The following RAB3B variants were observed in gnomAD, a reference collection of about 807,000 sequenced individuals.
The protein encoded by RAB3B is ras-related protein Rab-3B.
RAB3B carries 11 observed loss-of-function variants against 20.5 expected under a neutral mutation model. The ratio of observed to expected loss-of-function variants is 0.54; its 90% CI spans 0.34 to 0.89. The LOEUF (loss-of-function observed/expected upper bound fraction) is 0.89, where lower values mean the gene tolerates loss of function less well. Among genes scored for constraint, RAB3B ranks in the 40% least tolerant of loss-of-function variants. RAB3B has a pLI of 0.02. For missense variants in RAB3B, 225 were observed against 280.9 expected, an observed-to-expected ratio of 0.80 and a Z score of 1.42; for synonymous variants, 99 against 106.3, an observed-to-expected ratio of 0.93 and a Z score of 0.42.
rs1684144284 is a variant in RAB3B at position 51,919,787 on chromosome 1, A to G, written c.*140T>C. Reference sequence around the variant, plus strand: ...TGCAGAGAACCCCAGGGGCAGGCAAAGAATAGCAGCAACTCATCTTGCTCT... The same window carrying G: ...TGCAGAGAACCCCAGGGGCAGGCAAGGAATAGCAGCAACTCATCTTGCTCT... On this transcript the variant is annotated 3_prime_UTR_variant, in exon 5 of 5. Coordinates refer to ENST00000371655, the MANE Select transcript of RAB3B (RefSeq NM_002867.4). 5 of 859,600 alleles carry G rather than the reference A, an allele frequency of 5.8e-6. No individual in the cohort carries two copies. Among genetic ancestry groups the G allele is most frequent in the Middle Eastern group, 3.7e-4 (1 of 2,732 alleles). The allele number at this position is 859,600 out of a possible 1,614,324, so 53.2% of individuals were successfully genotyped here.
intron 1 of RAB3B, among the ~76,000 whole-genome samples, chr1:51,983,142 TC>T (rs1685108838): frequency 6.6e-6 from 1 of 152,064 alleles, no homozygotes; most frequent in Admixed American, 6.6e-5. Flanking sequence ...TCACTTGAGG[TC>T]AGGAGATAGA....
chr1:51,937,996 CTT>C (rs77664152), intron 2 of RAB3B, among the ~76,000 whole-genome samples: 34 of 88,728 alleles, frequency 3.8e-4, no homozygotes, highest in African/African-American at 1.0e-3. Context: ...ATTTTTGTTT[CTT>C]TTTTTTTTTT....
chr1:51,946,002 T>C (rs1684559815), intron 2 of RAB3B, among the ~76,000 whole-genome samples: 1 of 152,252 alleles, frequency 6.6e-6, no homozygotes. Context: ...TTTTTAAGTG[T>C]CTGGCTTATA....
At chr1:51,968,705 T>C (rs947750726) in intron 2 of RAB3B, among the ~76,000 whole-genome samples, 3 of 152,214 alleles carry the variant, frequency 2.0e-5, no homozygotes, top group African/African-American at 7.2e-5. Context: ...TAATACTCAC[T>C]AGCTTTAATA....
chr1:51,908,469 C>G lies in RAB3B; in HGVS notation c.*11458G>C, dbSNP rs1347966929. On this transcript the variant is annotated 3_prime_UTR_variant, in exon 5 of 5. Transcript: ENST00000371655. ...ATATGCAAATTGCATAAGGTGACAT[C>G]TCTCTGTGTGGCCACAGAGATAGAT... 6.6e-6 allele frequency: 1 copy of G among 152,042 alleles called. No homozygotes were observed. Among genetic ancestry groups the G allele is most frequent in the Non-Finnish European group, 1.5e-5 (1 of 68,022 alleles). The allele number at this position is 152,042 out of a possible 1,614,324, so 9.4% of individuals were successfully genotyped here. A position where few individuals can be genotyped will look rare whatever the true frequency, so the allele number is the denominator to read the frequency against.
chr1:51,930,710 T>C (rs972524826), intron 4 of RAB3B, among the ~76,000 whole-genome samples: 2 of 152,142 alleles, frequency 1.3e-5, no homozygotes, highest in African/African-American at 2.4e-5. Flanking sequence ...GTTTAACCAA[T>C]TCACCTTTAA....
chr1:51,983,184 T>C (rs1351823201), intron 1 of RAB3B, among the ~76,000 whole-genome samples: 1 of 151,962 alleles, frequency 6.6e-6, no homozygotes, highest in East Asian at 1.9e-4. Context: ...TGAAACTCCA[T>C]CCCTATTAAA....
intron 1 of RAB3B, among the ~76,000 whole-genome samples, chr1:51,979,848 C>T (rs145238135): frequency 0.059 from 8,938 of 151,022 alleles, 287 homozygotes; most frequent in African/African-American, 0.066. Context: ...TCGAGACCAT[C>T]CTGGCTAACA....
rs577362712 is a variant in RAB3B at position 51,919,612 on chromosome 1, C to T, written c.*315G>A. 7 of 245,692 alleles carry T rather than the reference C, an allele frequency of 2.8e-5. No individual in the cohort carries two copies. Among genetic ancestry groups the T allele is most frequent in the Non-Finnish European group, 4.7e-5 (6 of 128,446 alleles). The allele number at this position is 245,692 out of a possible 1,614,324, so 15.2% of individuals were successfully genotyped here. On this transcript the variant is annotated 3_prime_UTR_variant, in exon 5 of 5. Transcript: ENST00000371655. ...TCAAATTTTGGTAAATGGAGGAACT[C>T]TCATTTTAAAGGCAGAAAAGAGACT...
intron 2 of RAB3B, among the ~76,000 whole-genome samples, chr1:51,968,927 G>C (rs1248997216): frequency 2.6e-5 from 4 of 152,158 alleles, no homozygotes; most frequent in Non-Finnish European, 4.4e-5. Context: ...CCTCTTGTTT[G>C]TCCCATTGTT....
At chr1:51,922,228 G>C (rs1319033694) in intron 4 of RAB3B, among the ~76,000 whole-genome samples, 3 of 152,202 alleles carry the variant, frequency 2.0e-5, no homozygotes, top group Non-Finnish European at 4.4e-5. Context: ...GCAGTGTTTG[G>C]GGAGGTGCGG....
At chr1:51,957,419 G>GT (rs1315445816) in intron 2 of RAB3B, among the ~76,000 whole-genome samples, 1 of 152,168 alleles carries the variant, frequency 6.6e-6, no homozygotes, top group Non-Finnish European at 1.5e-5. Flanking sequence ...AGCACTTAAT[G>GT]AACAGACAGT....
intron 2 of RAB3B, among the ~76,000 whole-genome samples, chr1:51,971,436 CTTT>C (rs57994059): frequency 4.2e-5 from 6 of 141,704 alleles, no homozygotes; most frequent in Admixed American, 7.1e-5. Context: ...TTTTTCTTTT[CTTT>C]TTTTTTTTTT....
At chr1:51,970,154 G>T (rs955228743) in intron 2 of RAB3B, among the ~76,000 whole-genome samples, 1 of 151,966 alleles carries the variant, frequency 6.6e-6, no homozygotes, top group Non-Finnish European at 1.5e-5. Context: ...AGAGTCCTAG[G>T]TGAGCTCAAT....
chr1:51,967,417 T>C (rs186944479), intron 2 of RAB3B, among the ~76,000 whole-genome samples: 4 of 152,014 alleles, frequency 2.6e-5, no homozygotes, highest in African/African-American at 7.2e-5. Context: ...CAGGAAATCT[T>C]AATCAGCAGT....
chr1:51,989,853 G>A (rs146863064), intron 1 of RAB3B, among the ~76,000 whole-genome samples: 1 of 101,304 alleles, frequency 9.9e-6, no homozygotes, highest in Admixed American at 1.2e-4. Flanking sequence ...GTCCCCAGCC[G>A]GGCTCAACCT....
At chr1:51,964,413 T>C (rs1453138871) in intron 2 of RAB3B, among the ~76,000 whole-genome samples, 1 of 151,968 alleles carries the variant, frequency 6.6e-6, no homozygotes, top group Non-Finnish European at 1.5e-5. Flanking sequence ...CCGGGCTCAG[T>C]CTGTGAACCT....
chr1:51,937,539 C>A, intron 2 of RAB3B, 127 bp from the exon 3 acceptor site: 1 of 558,494 alleles, frequency 1.8e-6, no homozygotes, highest in Non-Finnish European at 3.0e-6. Context: ...CTCTTGTTGC[C>A]CAGGCTGGAG....
chr1:51,967,395 C>A (rs941908779), intron 2 of RAB3B, among the ~76,000 whole-genome samples: 1 of 151,704 alleles, frequency 6.6e-6, no homozygotes, highest in Non-Finnish European at 1.5e-5. Context: ...TTGTTGACAC[C>A]TAACAAGGTA....
Sources: allele counts gnomAD v4.1 joint callset (sites outside exome capture counted in the v4.1 genomes callset), GRCh38; gene constraint gnomAD v4.1.1; transcripts MANE v1.5; gene names NCBI Gene and HGNC (gene_info 2026-07-23, HGNC 2026-07-21).